Variants in RBMX observed in about 807,000 individuals in gnomAD.
RBMX encodes the protein RNA binding motif protein X-linked, also known as RNA-binding motif protein, X chromosome.
In RBMX, 1 loss-of-function variant was observed where a neutral mutation model predicts 29.3. The observed-to-expected ratio is 0.03, with a 90% CI of 0.01 to 0.16. RBMX has a LOEUF of 0.16. RBMX is among the 10% of genes least tolerant of loss of function. The pLI is 1.00. For missense variants in RBMX, 121 were observed against 333.2 expected (o/e 0.36, Z 4.96); for synonymous variants, 102 against 102.3 (o/e 1.00, Z 0.02).
rs2077716366 is a variant in RBMX at position 136,875,391 on chromosome X, G to A, written c.657-8C>T. ...TAATCTCTGCTTGAATAGCTACAAA[G>A]CAAAAGTTTTGGTTTATGCTTTTGA... On this transcript the variant is annotated splice_polypyrimidine_tract_variant and splice_region_variant and intron_variant, in intron 6 of 8. Coordinates refer to ENST00000320676, the MANE Select transcript of RBMX (RefSeq NM_002139.4). The A allele has an allele frequency of 8.3e-7, 1 of 1,207,561 alleles. No individual in the cohort carries two copies. Among genetic ancestry groups the A allele is most frequent in the Non-Finnish European group, 1.1e-6 (1 of 893,680 alleles).
At chrX:136,877,633 A>G (rs1257049877) in intron 4 of RBMX, among the ~76,000 whole-genome samples, 1 of 109,579 alleles carries the variant, frequency 9.1e-6, no homozygotes, top group Non-Finnish European at 1.9e-5. Flanking sequence ...AAAAATAAAA[A>G]TGATTTCATT....
downstream of RBMX, among the ~76,000 whole-genome samples, chrX:136,871,460 A>G (rs1190184141): frequency 9.9e-6 from 1 of 100,984 alleles, no homozygotes; most frequent in East Asian, 3.0e-4. Flanking sequence ...AAAAAAAAAA[A>G]GGTAATATTG....
At chrX:136,871,899 C>T (rs921110665), downstream of RBMX, among the ~76,000 whole-genome samples, 2 of 108,046 alleles carry the variant, frequency 1.9e-5, no homozygotes, top group Admixed American at 1.0e-4. Flanking sequence ...ATGGTCTGCC[C>T]GCCTTGGCCT....
chrX:136,876,803 G>T, intron 4 of RBMX, 148 bp from the exon 5 acceptor site: 1 of 387,352 alleles, frequency 2.6e-6, no homozygotes, highest in Non-Finnish European at 4.1e-6. Context: ...TGCCTCCTGG[G>T]TTCAAGCAAT....
At chrX:136,871,892 G>C (rs1259123376), downstream of RBMX, among the ~76,000 whole-genome samples, 1 of 106,022 alleles carries the variant, frequency 9.4e-6, no homozygotes, top group Non-Finnish European at 1.9e-5. Context: ...TGACCTCATG[G>C]TCTGCCCGCC....
intron 4 of RBMX, among the ~76,000 whole-genome samples, chrX:136,877,341 C>CCCCCA (rs1491575416): frequency 1.4e-5 from 1 of 73,651 alleles, no homozygotes. Context: ...CCCCCCCCCC[C>CCCCCA]AAAAAAAAAC....
downstream of RBMX, among the ~76,000 whole-genome samples, chrX:136,871,122 GA>G (rs906057834): frequency 5.4e-3 from 483 of 88,955 alleles, 1 homozygote; most frequent in African/African-American, 0.017. Flanking sequence ...CAGAAGAGAA[GA>G]AAAAAAAAAA....
intron 4 of RBMX, among the ~76,000 whole-genome samples, chrX:136,877,027 T>C (rs1364468873): frequency 2.8e-5 from 3 of 108,418 alleles, no homozygotes; most frequent in Non-Finnish European, 5.8e-5. Context: ...AAAAGTTTTC[T>C]TTGCTTCATC....
At chrX:136,875,700 C>T in intron 5 of RBMX, 115 bp from the exon 6 acceptor site, 1 of 958,147 alleles carries the variant, frequency 1.0e-6, no homozygotes, top group Middle Eastern at 3.1e-4. Flanking sequence ...ATTACGGAGG[C>T]TAGATCACCT....
At chrX:136,875,702 A>G (rs2077720443) in intron 5 of RBMX, 117 bp from the exon 6 acceptor site, 4 of 961,084 alleles carry the variant, frequency 4.2e-6, no homozygotes, top group Middle Eastern at 3.1e-4. Flanking sequence ...TACGGAGGCT[A>G]GATCACCTAA....
At chrX:136,875,770 T>C (rs1259996325) in intron 5 of RBMX, among the ~76,000 whole-genome samples, 185 bp from the exon 6 acceptor site, 4 of 111,610 alleles carry the variant, frequency 3.6e-5, no homozygotes, top group African/African-American at 1.3e-4. Flanking sequence ...CTAATTCCAT[T>C]TATCTAATCA....
chrX:136,873,279 A>T, downstream of RBMX: 1 of 190,870 alleles, frequency 5.2e-6, no homozygotes, highest in Non-Finnish European at 8.1e-6. Flanking sequence ...TTGATGCTTT[A>T]AATCTGATGT....
chrX:136,873,960 A>C lies in RBMX; in HGVS notation c.*182T>G. 9.3e-7 allele frequency: 1 copy of C among 1,080,427 alleles called. No individual in the cohort carries two copies. The highest frequency in any genetic ancestry group is 1.2e-6 in the Non-Finnish European group (1 of 833,829). 89.0% of individuals were successfully genotyped at this position (1,080,427 alleles called of 1,213,427 possible). On this transcript the variant is annotated 3_prime_UTR_variant, in exon 9 of 9. Coordinates refer to ENST00000320676, the MANE Select transcript of RBMX (RefSeq NM_002139.4). ...TGAAAAGCAATGCGAAAGTCAAATA[A>C]AATTAAACATGTTTTACTTTTTTCC...
At chrX:136,876,053 G>A (rs1170007419) in intron 5 of RBMX, among the ~76,000 whole-genome samples, 1 of 108,620 alleles carries the variant, frequency 9.2e-6, no homozygotes, top group African/African-American at 3.4e-5. Context: ...GCCCACCTCA[G>A]CCTCCCAAAG....
In RBMX at chrX:136,875,246, A is replaced by G. The variant is rs1446656794; in HGVS notation, c.782+12T>C. The G allele has an allele frequency of 1.7e-6, 2 of 1,209,579 alleles. No individual in the cohort carries two copies. Among genetic ancestry groups the G allele is most frequent in the African/African-American group, 3.5e-5 (2 of 57,345 alleles). Reference sequence around the variant, plus strand: ...TTTCTTACATGTAAGCCACAGAAGCAAAGTCACTTACCTATATCCTCTTGA... The same window carrying G: ...TTTCTTACATGTAAGCCACAGAAGCGAAGTCACTTACCTATATCCTCTTGA... On this transcript the variant is annotated intron_variant, in intron 7 of 8. Coordinates refer to ENST00000320676, the MANE Select transcript of RBMX (RefSeq NM_002139.4).
At position 136,876,490 on chromosome X, in the gene RBMX, A is replaced by G. The variant is rs750810466; in HGVS notation, c.541+13T>C. The G allele has an allele frequency of 1.2e-4, 139 of 1,160,398 alleles. No homozygotes were observed. The highest frequency in any genetic ancestry group is 1.4e-4 in the Non-Finnish European group (122 of 874,403). On this transcript the variant is annotated intron_variant, in intron 5 of 8. Transcript: ENST00000320676. ...ACGGTAGTAGCATAAATCATCATAC[A>G]TGGAACATTTACCTCTTCCTCCCAT... is the stretch of plus-strand genomic sequence containing the variant.
At chrX:136,869,527 A>C (rs909521789), downstream of RBMX, 3 of 111,960 alleles carry the variant, frequency 2.7e-5, no homozygotes, top group African/African-American at 9.7e-5. Context: ...TCCTCACAGA[A>C]GCGTTAACCC....
At chrX:136,879,616 G>A (rs982020613) in intron 1 of RBMX, among the ~76,000 whole-genome samples, 163 bp from the exon 2 acceptor site, 1 of 111,943 alleles carries the variant, frequency 8.9e-6, no homozygotes, top group Non-Finnish European at 1.9e-5. Context: ...GAAGCAATTT[G>A]AACTAAGTAG....
chrX:136,870,461 TTACTG>T (rs199497726), downstream of RBMX: 19 of 113,541 alleles, frequency 1.7e-4, no homozygotes, highest in Non-Finnish European at 1.3e-4. Flanking sequence ...AGTATTTGTT[TTACTG>T]TAAAGTACTT....
Sources: gnomAD v4.1 joint callset for allele counts (sites outside exome capture counted in the v4.1 genomes callset) on GRCh38, gnomAD v4.1.1 for gene constraint, MANE v1.5 for transcripts, NCBI Gene and HGNC (gene_info 2026-07-23, HGNC 2026-07-21) for gene names.